Variants in UST observed in about 807,000 individuals in gnomAD.
The protein encoded by UST is uronyl 2-sulfotransferase, also known as chondroitin sulfate 2-O-sulfotransferase.
In UST, 21 loss-of-function variants were observed where a neutral mutation model predicts 45.6. The observed-to-expected ratio is 0.46, with a 90% CI of 0.33 to 0.66. UST has a LOEUF of 0.66. UST is among the 30% of genes least tolerant of loss of function. The probability of loss-of-function intolerance (pLI) is 0.02; values close to 1 mark genes in which losing one functional copy is unlikely to be tolerated. For synonymous variants in UST, 215 were observed against 200.6 expected (o/e 1.07, Z -0.61); for missense variants, 463 against 512.4 (o/e 0.90, Z 0.93).
At chr6:148,968,863 G>C (rs140557057) in intron 5 of UST, among the ~76,000 whole-genome samples, 314 of 152,352 alleles carry the variant, frequency 2.1e-3, no homozygotes, top group Non-Finnish European at 2.2e-3. Flanking sequence ...AGAATAGGAA[G>C]AAAAGGGAGA....
intron 1 of UST, among the ~76,000 whole-genome samples, chr6:148,886,779 G>A (rs1208170999): frequency 6.6e-6 from 1 of 152,168 alleles, no homozygotes. Context: ...CATGTATGTA[G>A]AATGTTTGTA....
chr6:148,784,281 A>G (rs1776698294), intron 1 of UST, among the ~76,000 whole-genome samples: 1 of 152,364 alleles, frequency 6.6e-6, no homozygotes, highest in African/African-American at 2.4e-5. Context: ...TCTCTCTGCT[A>G]AAAAGAGAGA....
chr6:148,841,509 T>C (rs550095125), intron 1 of UST, among the ~76,000 whole-genome samples: 1 of 152,286 alleles, frequency 6.6e-6, no homozygotes, highest in Admixed American at 6.5e-5. Context: ...ATAATTACTA[T>C]TTAAAAATTT....
chr6:148,924,319 A>T (rs755027992), intron 2 of UST, among the ~76,000 whole-genome samples: 1 of 152,160 alleles, frequency 6.6e-6, no homozygotes, highest in Non-Finnish European at 1.5e-5. Context: ...TCAGGGCCAG[A>T]TGTCCCTACT....
chr6:148,853,716 T>C (rs369316445), intron 1 of UST, among the ~76,000 whole-genome samples: 11 of 152,380 alleles, frequency 7.2e-5, no homozygotes, highest in African/African-American at 2.4e-4. Flanking sequence ...TGATCAGTGA[T>C]GTTGAACTTT....
intron 1 of UST, among the ~76,000 whole-genome samples, chr6:148,849,661 A>G (rs901769567): frequency 4.6e-5 from 7 of 152,182 alleles, no homozygotes; most frequent in African/African-American, 1.4e-4. Context: ...AGAGAGAATG[A>G]GTGCTGAGCA....
intron 5 of UST, among the ~76,000 whole-genome samples, chr6:148,985,623 G>T (rs77983651): frequency 0.019 from 2,817 of 152,258 alleles, 66 homozygotes; most frequent in African/African-American, 0.052. Context: ...TGGATATGCA[G>T]ATGGGGCAAG....
At chr6:149,017,787 A>G (rs1417309727) in intron 5 of UST, among the ~76,000 whole-genome samples, 3 of 119,448 alleles carry the variant, frequency 2.5e-5, no homozygotes, top group Admixed American at 1.9e-4. Context: ...TGCAGCAATG[A>G]ATATCCATAT....
At chr6:149,001,270 TAC>T (rs1376803623) in intron 5 of UST, among the ~76,000 whole-genome samples, 1 of 152,050 alleles carries the variant, frequency 6.6e-6, no homozygotes, top group African/African-American at 2.4e-5. Flanking sequence ...GTCAGGGTTT[TAC>T]CATGTTAGCC....
chr6:149,046,744 C>T lies in UST; in HGVS notation c.937+25263C>T, dbSNP rs1776400406. 2.0e-5 allele frequency among the ~76,000 whole-genome samples: 3 copies of T among 152,336 alleles called. No individual in the cohort carries two copies. In the South Asian group the frequency reaches 6.2e-4, roughly 32 times the overall value. The stretch of plus-strand genomic sequence containing the variant: ...ATCATCTCATTTGATTCTTCCGTTT[C>T]CGTCTGCAATAGGGCAGGGTTTTCA... On this transcript the variant is annotated intron_variant, in intron 7 of 7. Coordinates refer to ENST00000367463, the MANE Select transcript of UST (RefSeq NM_005715.3).
At chr6:148,899,028 C>T (rs969518645) in intron 2 of UST, among the ~76,000 whole-genome samples, 35 of 150,734 alleles carry the variant, frequency 2.3e-4, no homozygotes, top group Non-Finnish European at 4.0e-4. Flanking sequence ...TGCCTCAGGG[C>T]TCTGCAAGTT....
chr6:148,801,539 T>A (rs1369033797), intron 1 of UST, among the ~76,000 whole-genome samples: 1 of 152,308 alleles, frequency 6.6e-6, no homozygotes, highest in East Asian at 1.9e-4. Context: ...CCAGCATCCT[T>A]GCACAGGGTG....
At chr6:148,831,647 T>C (rs567795905) in intron 1 of UST, among the ~76,000 whole-genome samples, 1 of 152,248 alleles carries the variant, frequency 6.6e-6, no homozygotes, top group South Asian at 2.1e-4. Context: ...TAAGGAAAAC[T>C]AGCTGAGTGC....
chr6:149,007,989 T>A (rs1167116465), intron 5 of UST, among the ~76,000 whole-genome samples: 2 of 152,220 alleles, frequency 1.3e-5, no homozygotes, highest in African/African-American at 2.4e-5. Context: ...AGATAAACTG[T>A]TGCTGCAGTA....
intron 1 of UST, among the ~76,000 whole-genome samples, chr6:148,859,656 G>A (rs1778269674): frequency 3.3e-5 from 5 of 152,154 alleles, no homozygotes; most frequent in South Asian, 2.1e-4. Flanking sequence ...AATCCATCTC[G>A]AATTAATTTT....
intron 1 of UST, among the ~76,000 whole-genome samples, chr6:148,814,404 C>T (rs1777318147): frequency 6.6e-6 from 1 of 152,062 alleles, no homozygotes; most frequent in Admixed American, 6.5e-5. Context: ...GTTATGCCTT[C>T]TTGTAGGGGC....
intron 1 of UST, among the ~76,000 whole-genome samples, chr6:148,846,148 G>A (rs1173126279): frequency 1.2e-4 from 18 of 151,004 alleles, no homozygotes; most frequent in African/African-American, 4.1e-4. Flanking sequence ...ACATGCACAC[G>A]TATGTTTATT....
intron 1 of UST, among the ~76,000 whole-genome samples, chr6:148,824,674 C>CTT (rs535345402): frequency 0.024 from 3,141 of 133,322 alleles, 67 homozygotes; most frequent in African/African-American, 0.041. Flanking sequence ...TATTTTCTTT[C>CTT]TTTTTTTTTT....
intron 1 of UST, among the ~76,000 whole-genome samples, chr6:148,875,813 A>G (rs1001073098): frequency 1.3e-5 from 2 of 152,226 alleles, no homozygotes; most frequent in Non-Finnish European, 2.9e-5. Flanking sequence ...CAAAAAAACA[A>G]ACAAACAAGG....
Sources: gnomAD v4.1 joint callset for allele counts (sites outside exome capture counted in the v4.1 genomes callset) on GRCh38, gnomAD v4.1.1 for gene constraint, MANE v1.5 for transcripts, NCBI Gene and HGNC (gene_info 2026-07-23, HGNC 2026-07-21) for gene names.